The following ODAD2 variants were observed in gnomAD, a reference collection of about 807,000 sequenced individuals.
ODAD2 encodes outer dynein arm-docking complex subunit 2.
In ODAD2, 89 loss-of-function variants were observed where a neutral mutation model predicts 106.8. The observed-to-expected ratio is 0.83, with a 90% CI of 0.70 to 0.99. ODAD2 has a LOEUF of 0.99. Ranked by LOEUF, ODAD2 falls within the 50% of genes least tolerant of loss-of-function variation. ODAD2 has a pLI of 0.00. For synonymous variants in ODAD2, 404 were observed against 436.2 expected (o/e 0.93, Z 0.92); for missense variants, 1,168 against 1,238.5 (o/e 0.94, Z 0.85).
intron 17 of ODAD2, among the ~76,000 whole-genome samples, chr10:27,903,755 G>T (rs12411379): frequency 6.6e-6 from 1 of 151,880 alleles, no homozygotes; most frequent in African/African-American, 2.4e-5. Context: ...CCTCCAGTGC[G>T]GTACCTCCTA....
intron 8 of ODAD2, among the ~76,000 whole-genome samples, chr10:27,969,818 A>C (rs917334774): frequency 5.9e-5 from 9 of 152,160 alleles, no homozygotes; most frequent in Non-Finnish European, 1.0e-4. Flanking sequence ...TAAGCTTTAA[A>C]AAGTGGGCTG....
chr10:27,826,988 A>T (rs979465152), intron 19 of ODAD2, among the ~76,000 whole-genome samples: 3 of 151,942 alleles, frequency 2.0e-5, no homozygotes, highest in Admixed American at 6.6e-5. Flanking sequence ...CTCACTTCTT[A>T]TTCAAGGCCA....
At chr10:27,842,546 T>C (rs985884988) in intron 19 of ODAD2, among the ~76,000 whole-genome samples, 1 of 152,220 alleles carries the variant, frequency 6.6e-6, no homozygotes, top group Admixed American at 6.5e-5. Context: ...TTATCAATCT[T>C]CTACCATTTG....
intron 17 of ODAD2, among the ~76,000 whole-genome samples, chr10:27,892,377 C>T (rs1216682729): frequency 6.6e-6 from 1 of 152,088 alleles, no homozygotes; most frequent in Non-Finnish European, 1.5e-5. Context: ...TAAAAAAGAC[C>T]GTGCGGCTTT....
intron 16 of ODAD2, 96 bp downstream of exon 16, chr10:27,934,914 G>T: frequency 5.0e-6 from 7 of 1,407,172 alleles, no homozygotes; most frequent in Admixed American, 1.9e-5. Context: ...TTCATCATTC[G>T]TGCACATCAA....
At chr10:27,965,271 G>T (rs1451853036) in intron 9 of ODAD2, among the ~76,000 whole-genome samples, 2 of 152,186 alleles carry the variant, frequency 1.3e-5, no homozygotes, top group African/African-American at 4.8e-5. Flanking sequence ...CAATAAAGAG[G>T]AGATTTCTGC....
At chr10:27,929,084 T>C (rs757852757) in intron 16 of ODAD2, among the ~76,000 whole-genome samples, 13 of 152,144 alleles carry the variant, frequency 8.5e-5, no homozygotes, top group Admixed American at 2.6e-4. Context: ...AGAAATTCGA[T>C]TGTGTAAAGG....
chr10:27,823,622 AT>A (rs1836785721), intron 19 of ODAD2, among the ~76,000 whole-genome samples: 1 of 152,196 alleles, frequency 6.6e-6, no homozygotes, highest in Non-Finnish European at 1.5e-5. Context: ...AGTTGTTATT[AT>A]TATTACTCTT....
At chr10:27,915,872 A>G (rs954083377) in intron 16 of ODAD2, among the ~76,000 whole-genome samples, 2 of 152,178 alleles carry the variant, frequency 1.3e-5, no homozygotes, top group African/African-American at 4.8e-5. Context: ...CCATGCCTAC[A>G]ATATGGACAC....
intron 2 of ODAD2, among the ~76,000 whole-genome samples, chr10:27,993,642 T>A (rs1288633130): frequency 6.6e-6 from 1 of 152,054 alleles, no homozygotes; most frequent in Non-Finnish European, 1.5e-5. Context: ...AGAGCGAGAC[T>A]CTGTCTCCAG....
chr10:27,876,907 G>T (rs990143205), intron 17 of ODAD2, among the ~76,000 whole-genome samples: 3 of 152,114 alleles, frequency 2.0e-5, no homozygotes, highest in Admixed American at 2.0e-4. Flanking sequence ...GTAGCCTTTT[G>T]TTCTTCATAT....
intron 19 of ODAD2, among the ~76,000 whole-genome samples, chr10:27,824,057 G>A (rs1836833776): frequency 3.4e-5 from 4 of 116,764 alleles, no homozygotes; most frequent in East Asian, 3.0e-4. Context: ...GGAGAATGGC[G>A]TGAACCCCAG....
At chr10:27,937,975 T>C (rs1846110251) in intron 14 of ODAD2, among the ~76,000 whole-genome samples, 1 of 152,046 alleles carries the variant, frequency 6.6e-6, no homozygotes, top group Non-Finnish European at 1.5e-5. Context: ...ATCGAGTTGC[T>C]CTCTGTTGCC....
chr10:27,818,127 A>G (rs1836282812), intron 19 of ODAD2, among the ~76,000 whole-genome samples: 1 of 151,206 alleles, frequency 6.6e-6, no homozygotes, highest in African/African-American at 2.4e-5. Context: ...CTGGATGCCA[A>G]TGGATCCTGA....
intron 17 of ODAD2, among the ~76,000 whole-genome samples, chr10:27,896,962 A>T (rs926728389): frequency 1.3e-5 from 2 of 151,898 alleles, no homozygotes; most frequent in African/African-American, 4.8e-5. Flanking sequence ...GTGCCATCCA[A>T]CTTAAACTCT....
intron 17 of ODAD2, among the ~76,000 whole-genome samples, chr10:27,869,336 C>T (rs183599417): frequency 1.3e-5 from 2 of 151,940 alleles, no homozygotes; most frequent in Admixed American, 1.3e-4. Flanking sequence ...TACAATAGGG[C>T]ACATTTTAAA....
chr10:27,848,227 T>C (rs912167739), intron 19 of ODAD2, among the ~76,000 whole-genome samples: 35 of 152,126 alleles, frequency 2.3e-4, no homozygotes, highest in Non-Finnish European at 2.8e-4. Flanking sequence ...AACAGAGATA[T>C]AGACAAATGA....
At chr10:27,895,499 G>C (rs982520940) in intron 17 of ODAD2, among the ~76,000 whole-genome samples, 3 of 152,156 alleles carry the variant, frequency 2.0e-5, no homozygotes, top group African/African-American at 7.2e-5. Context: ...TGTTGGCCAG[G>C]CTGGGTCTTG....
intron 1 of ODAD2, among the ~76,000 whole-genome samples, chr10:27,996,627 A>G (rs1850573342): frequency 6.6e-6 from 1 of 152,220 alleles, no homozygotes; most frequent in Non-Finnish European, 1.5e-5. Context: ...AAAATTGCAG[A>G]GTATTTTGTC....
Sources: allele counts gnomAD v4.1 joint callset (sites outside exome capture counted in the v4.1 genomes callset), GRCh38; gene constraint gnomAD v4.1.1; transcripts MANE v1.5; gene names NCBI Gene and HGNC (gene_info 2026-07-23, HGNC 2026-07-21).